Variants in BCL2L2 observed in about 807,000 individuals in gnomAD.
The protein encoded by BCL2L2 is BCL2 like 2, also known as bcl-2-like protein 2.
In BCL2L2, 6 loss-of-function variants were observed where a neutral mutation model predicts 14.6. The ratio of observed to expected loss-of-function variants is 0.41; its 90% CI spans 0.22 to 0.81. BCL2L2 has a LOEUF of 0.81. Ranked by LOEUF, BCL2L2 falls within the 30% of genes least tolerant of loss-of-function variation. The pLI is 0.32. For synonymous variants in BCL2L2, 90 were observed against 108.5 expected (o/e 0.83, Z 1.06); for missense variants, 191 against 260.5 (o/e 0.73, Z 1.84).
chr14:23,307,823 G>A lies in BCL2L2; in HGVS notation c.56G>A (p.Gly19Asp). The stretch of plus-strand genomic sequence containing the variant: ...CGGGCTCTGGTGGCAGACTTTGTAG[G>A]TTATAAGCTGAGGCAGAAGGGTTAT... ...DTRALVADFV[G>D]YKLRQKGYVC... Residue 19 changes from glycine to aspartate, a missense_variant, in exon 3 of 4, where the codon GGT (glycine) becomes GAT (aspartate). By Grantham distance (94) the Gly-to-Asp change is moderately conservative. Coordinates refer to ENST00000250405, the MANE Select transcript of BCL2L2 (RefSeq NM_004050.5). 2 of 1,581,136 alleles carry A rather than the reference G, an allele frequency of 1.3e-6. No homozygotes were observed. Among genetic ancestry groups the A allele is most frequent in the Middle Eastern group, 1.7e-4 (1 of 5,894 alleles).
rs576375289 is a variant in BCL2L2, at chr14:23,311,736, A to G, written c.*2771A>G. On this transcript the variant is annotated 3_prime_UTR_variant, in exon 4 of 4. Coordinates refer to ENST00000250405, the MANE Select transcript of BCL2L2 (RefSeq NM_004050.5). ...GTATTAAAAACAATAAATAAAGCCC[A>G]GAAGTTTAATGAGAAGGACTGAACA... 1 of 972,672 alleles carries G rather than the reference A, an allele frequency of 1.0e-6. No individual in the cohort carries two copies. Among genetic ancestry groups the G allele is most frequent in the South Asian group, 4.8e-5 (1 of 20,982 alleles). 60.3% of individuals were successfully genotyped at this position (972,672 alleles called of 1,614,324 possible).
In BCL2L2 at chr14:23,308,793, C is replaced by T; in HGVS notation, c.433-23C>T. 7.6e-7 allele frequency: 1 copy of T among 1,314,900 alleles called. No individual in the cohort carries two copies. The highest frequency in any genetic ancestry group is 9.8e-7 in the Non-Finnish European group (1 of 1,021,694). 81.5% of individuals were successfully genotyped at this position (1,314,900 alleles called of 1,614,324 possible). On this transcript the variant is annotated intron_variant, in intron 3 of 3. Transcript: ENST00000250405. The surrounding 1 kb of genome is among the most constrained non-coding windows in gnomAD (Gnocchi z 5.4). ...GATATCCCTTTCTCCTTCTTTCTCT[C>T]CTGCTTCCCTTCTCTCCCACAGGCG...
Position 23,308,253 on chromosome 14 carries a change from A to C in BCL2L2, c.432+54A>C. ...ACATCCTTCTGCAAAGCTGGTCTCC[A>C]GGGGGAAGATGGGGGCTCTGATTGG... On this transcript the variant is annotated intron_variant, in intron 3 of 3. Coordinates refer to ENST00000250405, the MANE Select transcript of BCL2L2 (RefSeq NM_004050.5). This position sits in a 1 kb window ranked among gnomAD's most constrained non-coding sequence, Gnocchi z 5.4. 1 of 1,520,554 alleles carries C rather than the reference A, an allele frequency of 6.6e-7. No individual in the cohort carries two copies. The highest frequency in any genetic ancestry group is 8.8e-7 in the Non-Finnish European group (1 of 1,138,312). The allele number at this position is 1,520,554 out of a possible 1,614,324, so 94.2% of individuals were successfully genotyped here.
Position 23,308,019 on chromosome 14 carries a change from T to C in BCL2L2, c.252T>C (p.Asp84=), listed in dbSNP as rs1049465. The C allele has an allele frequency of 6.2e-7, 1 of 1,614,136 alleles. No individual in the cohort carries two copies. The highest frequency in any genetic ancestry group is 1.7e-5 in the Admixed American group (1 of 60,038). ...SAQQRFTQVS[D]ELFQGGPNWG... ...AACAACGCTTCACCCAGGTCTCCGA[T>C]GAACTTTTTCAAGGGGGCCCCAACT... The change falls in exon 3 of 4, where the codon GAT becomes GAC. Residue 84 remains aspartate, a synonymous_variant. Transcript: ENST00000250405. This position sits in a 1 kb window ranked among gnomAD's most constrained non-coding sequence, Gnocchi z 5.4.
At position 23,309,785 on chromosome 14, in the gene BCL2L2, G is replaced by A; in HGVS notation, c.*820G>A. 3 of 985,510 alleles carry A rather than the reference G, an allele frequency of 3.0e-6. No individual in the cohort carries two copies. The highest frequency in any genetic ancestry group is 3.6e-6 in the Non-Finnish European group (3 of 829,980). The allele number at this position is 985,510 out of a possible 1,614,324, so 61.0% of individuals were successfully genotyped here. Reference sequence around the variant, plus strand: ...TCTGATAGAAGGGCAGGGCTGTTGAGCCTGGATGGGTGGAGGCTTAGGTAG... The same window carrying A: ...TCTGATAGAAGGGCAGGGCTGTTGAACCTGGATGGGTGGAGGCTTAGGTAG... On this transcript the variant is annotated 3_prime_UTR_variant, in exon 4 of 4. Coordinates refer to ENST00000250405, the MANE Select transcript of BCL2L2 (RefSeq NM_004050.5).
chr14:23,310,458 A>C lies in BCL2L2; in HGVS notation c.*1493A>C. 1 of 1,008,062 alleles carries C rather than the reference A, an allele frequency of 9.9e-7. No individual in the cohort carries two copies. Among genetic ancestry groups the C allele is most frequent in the Non-Finnish European group, 1.2e-6 (1 of 844,196 alleles). The allele number at this position is 1,008,062 out of a possible 1,614,324, so 62.4% of individuals were successfully genotyped here. On this transcript the variant is annotated 3_prime_UTR_variant, in exon 4 of 4. Transcript: ENST00000250405. ...AGACCATGGTTGACTCTTCTTGGAG[A>C]TTTTCACTTGGTCCTAGAATGTGGC...
Position 23,311,191 on chromosome 14 carries a change from A to G in BCL2L2, c.*2226A>G. On this transcript the variant is annotated 3_prime_UTR_variant, in exon 4 of 4. Coordinates refer to ENST00000250405, the MANE Select transcript of BCL2L2 (RefSeq NM_004050.5). ...AGAAGCATAGCTTAGATGGGACCAC[A>G]GTGGGCAATTTTGACCTGTCCTGCC... The G allele has an allele frequency of 7.9e-7, 1 of 1,266,692 alleles. No homozygotes were observed. The highest frequency in any genetic ancestry group is 1.0e-6 in the Non-Finnish European group (1 of 983,450). 78.5% of individuals were successfully genotyped at this position (1,266,692 alleles called of 1,614,324 possible).
At chr14:23,307,730 A>T in intron 2 of BCL2L2, 30 bp from the exon 3 acceptor site, 1 of 1,515,866 alleles carries the variant, frequency 6.6e-7, no homozygotes, top group Non-Finnish European at 8.8e-7. Context: ...TCATATATTC[A>T]TGCCAGTCTT....
At position 23,308,077 on chromosome 14, in the gene BCL2L2, G is replaced by T; in HGVS notation, c.310G>T (p.Ala104Ser). ...CCTTGTAGCCTTCTTTGTCTTTGGGGCTGCACTGTGTGCTGAGAGTGTCAA... is the reference window on the plus strand; with the variant it reads ...CCTTGTAGCCTTCTTTGTCTTTGGGTCTGCACTGTGTGCTGAGAGTGTCAA... ...GRLVAFFVFG[A>S]ALCAESVNKE... Residue 104 changes from alanine to serine, a missense_variant, in exon 3 of 4, where the codon GCT becomes TCT. By Grantham distance (99) the Ala-to-Ser change is moderately conservative. Transcript: ENST00000250405. This position sits in a 1 kb window ranked among gnomAD's most constrained non-coding sequence, Gnocchi z 5.4. 6.2e-7 allele frequency: 1 copy of T among 1,613,998 alleles called. No homozygotes were observed. Among genetic ancestry groups the T allele is most frequent in the Non-Finnish European group, 8.5e-7 (1 of 1,180,030 alleles).
Position 23,309,108 on chromosome 14 carries a change from G to A in BCL2L2, c.*143G>A. The A allele has an allele frequency of 1.6e-6, 2 of 1,249,914 alleles. No individual in the cohort carries two copies. Among genetic ancestry groups the A allele is most frequent in the Non-Finnish European group, 2.0e-6 (2 of 990,540 alleles). The allele number at this position is 1,249,914 out of a possible 1,614,324, so 77.4% of individuals were successfully genotyped here. ...CAGAGAAAGGGTAGTGTGTGAGGGAGCTGAGTAGGCCAGGTAGGCGATTGG... is the reference window on the plus strand; with the variant it reads ...CAGAGAAAGGGTAGTGTGTGAGGGAACTGAGTAGGCCAGGTAGGCGATTGG... On this transcript the variant is annotated 3_prime_UTR_variant, in exon 4 of 4. Coordinates refer to ENST00000250405, the MANE Select transcript of BCL2L2 (RefSeq NM_004050.5).
At position 23,308,947 on chromosome 14, in the gene BCL2L2, CT is replaced by C. The variant is rs763348226; in HGVS notation, c.570del (p.Phe190LeufsTer55). On this transcript the variant is annotated frameshift_variant, in exon 4 of 4. Transcript: ENST00000250405. LOFTEE classifies it high-confidence loss of function. The surrounding 1 kb of genome is among the most constrained non-coding windows in gnomAD (Gnocchi z 5.4). ...TGGGGGCCCTGGTAACTGTAGGGGC[CT>C]TTTTTGCTAGCAAGTGAAAGTCCAG... ...ALGALVTVGA[F>X]FASK The C allele has an allele frequency of 6.0e-6, 8 of 1,323,962 alleles. No individual in the cohort carries two copies. Among genetic ancestry groups the C allele is most frequent in the South Asian group, 5.8e-5 (2 of 34,500 alleles). 82.0% of individuals were successfully genotyped at this position (1,323,962 alleles called of 1,614,324 possible).
Position 23,311,154 on chromosome 14 carries a change from G to A in BCL2L2, c.*2189G>A. The A allele has an allele frequency of 7.8e-7, 1 of 1,284,898 alleles. No individual in the cohort carries two copies. The highest frequency in any genetic ancestry group is 2.3e-5 in the Admixed American group (1 of 42,560). 79.6% of individuals were successfully genotyped at this position (1,284,898 alleles called of 1,614,324 possible). A position where few individuals can be genotyped will look rare whatever the true frequency, so the allele number is the denominator to read the frequency against. ...GTTTTCTGAAAGGGTAAAGGGCTTGGTCTGGATTCCCAGAAGCATAGCTTA... is the reference window on the plus strand; with the variant it reads ...GTTTTCTGAAAGGGTAAAGGGCTTGATCTGGATTCCCAGAAGCATAGCTTA... On this transcript the variant is annotated 3_prime_UTR_variant, in exon 4 of 4. Coordinates refer to ENST00000250405, the MANE Select transcript of BCL2L2 (RefSeq NM_004050.5).
rs1887378266 is a variant in BCL2L2 at position 23,308,258 on chromosome 14, G to A, written c.432+59G>A. 1 of 1,507,414 alleles carries A rather than the reference G, an allele frequency of 6.6e-7. No homozygotes were observed. Among genetic ancestry groups the A allele is most frequent in the African/African-American group, 1.4e-5 (1 of 71,722 alleles). The allele number at this position is 1,507,414 out of a possible 1,614,324, so 93.4% of individuals were successfully genotyped here. A position where few individuals can be genotyped will look rare whatever the true frequency, so the allele number is the denominator to read the frequency against. On this transcript the variant is annotated intron_variant, in intron 3 of 3. Transcript: ENST00000250405. The surrounding 1 kb of genome is among the most constrained non-coding windows in gnomAD (Gnocchi z 5.4). The stretch of plus-strand genomic sequence containing the variant: ...CTTCTGCAAAGCTGGTCTCCAGGGG[G>A]AAGATGGGGGCTCTGATTGGAGGCT...
At position 23,309,056 on chromosome 14, in the gene BCL2L2, G is replaced by A. The variant is rs1257255278; in HGVS notation, c.*91G>A. 2.3e-6 allele frequency: 3 copies of A among 1,291,780 alleles called. No individual in the cohort carries two copies. The highest frequency in any genetic ancestry group is 3.0e-6 in the Non-Finnish European group (3 of 1,012,338). 80.0% of individuals were successfully genotyped at this position (1,291,780 alleles called of 1,614,324 possible). A position where few individuals can be genotyped will look rare whatever the true frequency, so the allele number is the denominator to read the frequency against. On this transcript the variant is annotated 3_prime_UTR_variant, in exon 4 of 4. Coordinates refer to ENST00000250405, the MANE Select transcript of BCL2L2 (RefSeq NM_004050.5). ...TGCCCTTGGAAGAAGTGGAGTTGGT[G>A]GATGGGTGGGCATGGAACAGGATGG...
rs1887480931 is a variant in BCL2L2, at chr14:23,309,576, CCCTGCCCTTGT to C, written c.*616_*626del. On this transcript the variant is annotated 3_prime_UTR_variant, in exon 4 of 4. Coordinates refer to ENST00000250405, the MANE Select transcript of BCL2L2 (RefSeq NM_004050.5). Reference sequence around the variant, plus strand: ...GTCCCTCCTCCCAACCCCTCCTTTCCCCTGCCCTTGTCCTGATGCCTCAAGGCTTAGAGAGA... The same window carrying C: ...GTCCCTCCTCCCAACCCCTCCTTTCCCCTGATGCCTCAAGGCTTAGAGAGA... 1 of 985,478 alleles carries C rather than the reference CCCTGCCCTTGT, an allele frequency of 1.0e-6. No individual in the cohort carries two copies. The highest frequency in any genetic ancestry group is 1.2e-6 in the Non-Finnish European group (1 of 830,014). 61.0% of individuals were successfully genotyped at this position (985,478 alleles called of 1,614,324 possible).
Position 23,309,642 on chromosome 14 carries a change from G to A in BCL2L2, c.*677G>A, listed in dbSNP as rs1887485310. ...TTGTATCCAGACCGAGGGCTCTGCT[G>A]CTTCTTTCCAGAAAGTGATTGGCAA... On this transcript the variant is annotated 3_prime_UTR_variant, in exon 4 of 4. Transcript: ENST00000250405. 8.1e-6 allele frequency: 8 copies of A among 985,508 alleles called. No homozygotes were observed. Among genetic ancestry groups the A allele is most frequent in the Non-Finnish European group, 9.6e-6 (8 of 830,060 alleles). The allele number at this position is 985,508 out of a possible 1,614,324, so 61.0% of individuals were successfully genotyped here.
In BCL2L2 at chr14:23,307,896, C is replaced by T; in HGVS notation, c.129C>T (p.His43=). 6.2e-7 allele frequency: 1 copy of T among 1,613,400 alleles called. No homozygotes were observed. The highest frequency in any genetic ancestry group is 8.5e-7 in the Non-Finnish European group (1 of 1,179,756). The change falls in exon 3 of 4, where the codon CAC becomes CAT. Residue 43 remains histidine, a synonymous_variant. Coordinates refer to ENST00000250405, the MANE Select transcript of BCL2L2 (RefSeq NM_004050.5). The part of the protein sequence containing the change: ...PGEGPAADPL[H]QAMRAAGDEF... ...AGGGCCCAGCAGCTGACCCGCTGCA[C>T]CAAGCCATGCGGGCAGCTGGAGATG...
Position 23,310,650 on chromosome 14 carries a change from G to A in BCL2L2, c.*1685G>A. ...TGAGTATGCTGACACCAGAAACTCA[G>A]AGCCAGCTTGTGGCAAGCAGTTGGG... On this transcript the variant is annotated 3_prime_UTR_variant, in exon 4 of 4. Coordinates refer to ENST00000250405, the MANE Select transcript of BCL2L2 (RefSeq NM_004050.5). 2.6e-6 allele frequency: 3 copies of A among 1,135,874 alleles called. No individual in the cohort carries two copies. The highest frequency in any genetic ancestry group is 3.8e-5 in the South Asian group (2 of 52,958). 70.4% of individuals were successfully genotyped at this position (1,135,874 alleles called of 1,614,324 possible). A position where few individuals can be genotyped will look rare whatever the true frequency, so the allele number is the denominator to read the frequency against.
rs1426713478 is a variant in BCL2L2, at chr14:23,306,899, G to A, written c.-97+5G>A. On this transcript the variant is annotated splice_donor_5th_base_variant and intron_variant, in intron 1 of 3. Coordinates refer to ENST00000250405, the MANE Select transcript of BCL2L2 (RefSeq NM_004050.5). The stretch of plus-strand genomic sequence containing the variant: ...ATCCCGGCAGCGGCCTGACCCGTGA[G>A]ATCCCTAACCTGGCAGGCGGGCGGG... 1 of 152,766 alleles carries A rather than the reference G, an allele frequency of 6.5e-6. No homozygotes were observed. Among genetic ancestry groups the A allele is most frequent in the East Asian group, 1.9e-4 (1 of 5,198 alleles). 9.5% of individuals were successfully genotyped at this position (152,766 alleles called of 1,614,324 possible).
Sources: allele counts gnomAD v4.1 joint callset, GRCh38; gene constraint gnomAD v4.1.1; non-coding constraint Gnocchi (gnomAD v3.1); transcripts MANE v1.5; gene names NCBI Gene and HGNC (gene_info 2026-07-23, HGNC 2026-07-21).